Variants in FN1 observed in about 807,000 individuals in gnomAD.
FN1 encodes the protein fibronectin 1.
A neutral mutation model predicts 297.3 loss-of-function variants in FN1; 106 were observed. That is an observed-to-expected ratio of 0.36 (90% confidence interval 0.30 to 0.42). The LOEUF (loss-of-function observed/expected upper bound fraction) is 0.42, where lower values mean the gene tolerates loss of function less well. Among genes scored for constraint, FN1 ranks in the 10% least tolerant of loss-of-function variants. The pLI, the probability that FN1 is intolerant of heterozygous loss-of-function variation, is 1.00. For missense variants in FN1, 2,690 were observed against 3,124.9 expected (o/e 0.86, Z 3.32); for synonymous variants, 1,149 against 1,152.6 (o/e 1.00, Z 0.06).
At chr2:215,396,999 T>C in intron 23 of FN1, 138 bp downstream of exon 23, 1 of 757,970 alleles carries the variant, frequency 1.3e-6, no homozygotes, top group South Asian at 1.4e-5. Flanking sequence ...ATGTACATCA[T>C]GTACTGCTAT....
Position 215,422,225 on chromosome 2 carries a change from G to A in FN1, c.1412C>T (p.Thr471Ile). ...GCGGTACATGACCCCTTCATTGGTTGTGCAGATTTCCTCGTGGGCTGTTTG... is the reference window on the plus strand; with the variant it reads ...GCGGTACATGACCCCTTCATTGGTTATGCAGATTTCCTCGTGGGCTGTTTG... ...CPMAAHEEIC[T>I]TNEGVMYRIG... Residue 471 changes from threonine (T) to isoleucine (I), a missense_variant, in exon 10 of 46, where the codon ACA becomes ATA. By Grantham distance (89) the Thr-to-Ile change is moderately conservative (BLOSUM62 -1). Coordinates refer to ENST00000354785, the MANE Select transcript of FN1 (RefSeq NM_212482.4). 1 of 1,614,128 alleles carries A rather than the reference G, an allele frequency of 6.2e-7. No homozygotes were observed. The highest frequency in any genetic ancestry group is 8.5e-7 in the Non-Finnish European group (1 of 1,179,968).
At position 215,375,713 on chromosome 2, in the gene FN1, G is replaced by A. The variant is rs755238088; in HGVS notation, c.5893C>T (p.Gln1965Ter). Reference sequence around the variant, plus strand: ...TAGATCTTGTAGTCAGTGCCTGGTTGTAAACCTGGGATTTGAGAAGAGATG... The same window carrying A: ...TAGATCTTGTAGTCAGTGCCTGGTTATAAACCTGGGATTTGAGAAGAGATG... Reference protein sequence around the residue: ...DVRSYTITGLQPGTDYKIYLY... With the variant: ...DVRSYTITGL The change falls in exon 37 of 46, where the codon CAA becomes TAA. Residue 1965 changes from glutamine to a stop codon, truncating the protein, a stop_gained. Transcript: ENST00000354785. LOFTEE classifies it high-confidence loss of function. 1.9e-6 allele frequency: 3 copies of A among 1,600,318 alleles called. No homozygotes were observed. Among genetic ancestry groups the A allele is most frequent in the Non-Finnish European group, 2.6e-6 (3 of 1,167,558 alleles).
chr2:215,385,310 C>T (rs1455448148), intron 28 of FN1, among the ~76,000 whole-genome samples: 1 of 150,700 alleles, frequency 6.6e-6, no homozygotes, highest in Non-Finnish European at 1.5e-5. Flanking sequence ...GCCTGTAATC[C>T]CAGCACTTTG....
At position 215,362,249 on chromosome 2, in the gene FN1, C is replaced by T. The variant is rs1463374421; in HGVS notation, c.7252-170G>A. On this transcript the variant is annotated intron_variant, in intron 44 of 45. Transcript: ENST00000354785. ...TTTCATGCATTTATAACTCTTAATA[C>T]ATTTTGGCTTATTACCATATCTTAT... 6.2e-6 allele frequency: 4 copies of T among 647,086 alleles called. No individual in the cohort carries two copies. In the Admixed American group the frequency reaches 6.6e-5, roughly 11 times the overall value. The allele number at this position is 647,086 out of a possible 1,614,324, so 40.1% of individuals were successfully genotyped here.
intron 32 of FN1, 137 bp downstream of exon 32, chr2:215,382,075 A>G (rs1446735099): frequency 1.5e-6 from 1 of 680,070 alleles, no homozygotes; most frequent in Admixed American, 2.1e-5. Context: ...ATGTTCGTAA[A>G]GGGCTCAGCT....
In FN1 at chr2:215,422,910, A is replaced by G. The variant is rs1252679795; in HGVS notation, c.1393+440T>C. ...AACATTGAGTTTTAGTCACTTTGGC[A>G]CTTATTAATAAGTGATAGAGCTTAT... On this transcript the variant is annotated intron_variant, in intron 9 of 45. Coordinates refer to ENST00000354785, the MANE Select transcript of FN1 (RefSeq NM_212482.4). Among the ~76,000 whole-genome samples, 4 of 152,152 alleles carry G rather than the reference A, an allele frequency of 2.6e-5. No homozygotes were observed. In the East Asian group the frequency reaches 7.7e-4, roughly 29 times the overall value.
Position 215,405,342 on chromosome 2 carries a change from C to T in FN1, c.2987-687G>A, listed in dbSNP as rs549862796. On this transcript the variant is annotated intron_variant, in intron 19 of 45. Coordinates refer to ENST00000354785, the MANE Select transcript of FN1 (RefSeq NM_212482.4). Reference sequence around the variant, plus strand: ...GTATAATAATTGAGAGCATGGGCTTCGGACATAGGTTATAGAGCCAGCTCT... The same window carrying T: ...GTATAATAATTGAGAGCATGGGCTTTGGACATAGGTTATAGAGCCAGCTCT... Among the ~76,000 whole-genome samples the T allele has an allele frequency of 5.9e-5, 9 of 152,314 alleles. No individual in the cohort carries two copies. The South Asian group carries it at 1.5e-3, about 25-fold the overall frequency.
chr2:215,396,145 A>T (rs929763402), intron 23 of FN1, among the ~76,000 whole-genome samples: 1 of 152,214 alleles, frequency 6.6e-6, no homozygotes, highest in Non-Finnish European at 1.5e-5. Flanking sequence ...TTTTTTTTAA[A>T]CAAAAATTTC....
intron 15 of FN1, among the ~76,000 whole-genome samples, chr2:215,408,902 A>C (rs2372545): frequency 0.32 from 48,531 of 151,954 alleles, 8,613 homozygotes; most frequent in South Asian, 0.49. Flanking sequence ...ATGGGAAAAC[A>C]CCACTTCTTG....
At position 215,401,436 on chromosome 2, in the gene FN1, G is replaced by A. The variant is rs540197407; in HGVS notation, c.3254-2085C>T. 2.0e-5 allele frequency among the ~76,000 whole-genome samples: 3 copies of A among 152,240 alleles called. No individual in the cohort carries two copies. In the South Asian group the frequency reaches 6.2e-4, roughly 32 times the overall value. On this transcript the variant is annotated intron_variant, in intron 20 of 45. Transcript: ENST00000354785. ...CAAATCTTATTATAAATGTAGAAAG[G>A]TAAGATCGCAGAAGGCCAGATATTT...
At position 215,397,664 on chromosome 2, in the gene FN1, A is replaced by C; in HGVS notation, c.3517+16T>G. The C allele has an allele frequency of 6.2e-7, 1 of 1,612,708 alleles. No homozygotes were observed. The highest frequency in any genetic ancestry group is 8.5e-7 in the Non-Finnish European group (1 of 1,178,734). ...AGTTTTAAAAACTAATAGAAAAGGG[A>C]AAAAATTCTTCTTACGTGTCACCAC... On this transcript the variant is annotated intron_variant, in intron 22 of 45. Coordinates refer to ENST00000354785, the MANE Select transcript of FN1 (RefSeq NM_212482.4).
intron 6 of FN1, among the ~76,000 whole-genome samples, chr2:215,426,253 A>G (rs537145045): frequency 5.3e-4 from 74 of 140,310 alleles, no homozygotes; most frequent in African/African-American, 1.8e-3. Context: ...GGTTCACGCC[A>G]TTCTCCTGCC....
chr2:215,409,480 C>T, intron 15 of FN1, 83 bp downstream of exon 15: 3 of 1,328,522 alleles, frequency 2.3e-6, no homozygotes, highest in Admixed American at 3.4e-5. Flanking sequence ...ACAGATACCA[C>T]CTGCCTAGAG....
chr2:215,363,254 T>C (rs1359350537), intron 44 of FN1: 1 of 152,106 alleles, frequency 6.6e-6, no homozygotes, highest in African/African-American at 2.4e-5. Flanking sequence ...GCATAAATAA[T>C]GAGAAGATGC....
At chr2:215,369,123 G>A (rs2055289081) in intron 41 of FN1, among the ~76,000 whole-genome samples, 2 of 151,100 alleles carry the variant, frequency 1.3e-5, no homozygotes, top group Admixed American at 1.3e-4. Flanking sequence ...AAGAAAAATG[G>A]AAGGAACTTA....
intron 42 of FN1, among the ~76,000 whole-genome samples, chr2:215,367,250 C>T (rs1201227677): frequency 6.6e-6 from 1 of 152,168 alleles, no homozygotes; most frequent in Non-Finnish European, 1.5e-5. Context: ...CACATTTTAA[C>T]TTAAAAAATT....
At chr2:215,363,781 A>G (rs2053988245) in intron 44 of FN1, 1 of 152,178 alleles carries the variant, frequency 6.6e-6, no homozygotes, top group Non-Finnish European at 1.5e-5. Context: ...ACATAATTTC[A>G]TTTTGAAATT....
At position 215,374,427 on chromosome 2, in the gene FN1, T is replaced by C. The variant is rs185506652; in HGVS notation, c.6157+787A>G. The stretch of plus-strand genomic sequence containing the variant: ...CCCATGTATTGAGGAGAGGAGGTGA[T>C]TGGATCATGGGGTGGTTCCCCCAGG... On this transcript the variant is annotated intron_variant, in intron 38 of 45. Transcript: ENST00000354785. Among the ~76,000 whole-genome samples, 11 of 152,278 alleles carry C rather than the reference T, an allele frequency of 7.2e-5. No individual in the cohort carries two copies. The East Asian group carries it at 7.7e-4, about 11-fold the overall frequency.
chr2:215,369,893 G>A (rs16853844), intron 41 of FN1, among the ~76,000 whole-genome samples: 1,959 of 152,250 alleles, frequency 0.013, 10 homozygotes, highest in Middle Eastern at 0.02. Flanking sequence ...ATAGGTAATC[G>A]TTTCAGTATT....
Sources: allele counts gnomAD v4.1 joint callset (sites outside exome capture counted in the v4.1 genomes callset), GRCh38; gene constraint gnomAD v4.1.1; transcripts MANE v1.5; gene names NCBI Gene and HGNC (gene_info 2026-07-23, HGNC 2026-07-21).